The following DR1 variants were observed in gnomAD, a reference collection of about 807,000 sequenced individuals.
DR1 encodes protein Dr1.
In DR1, 7 loss-of-function variants were observed where a neutral mutation model predicts 19.9. That is an observed-to-expected ratio of 0.35 (90% CI 0.20 to 0.66). The LOEUF (loss-of-function observed/expected upper bound fraction) is 0.66, where lower values mean the gene tolerates loss of function less well. DR1 is among the 30% of genes least tolerant of loss of function. The probability of loss-of-function intolerance (pLI) is 0.66; values close to 1 mark genes in which losing one functional copy is unlikely to be tolerated. For synonymous variants in DR1, 76 were observed against 72.5 expected (o/e 1.05, Z -0.24); for missense variants, 98 against 203.7 (o/e 0.48, Z 3.16).
In DR1 at chr1:93,346,384, C is replaced by G; in HGVS notation, c.-262C>G. On this transcript the variant is annotated 5_prime_UTR_variant, in exon 1 of 3. Transcript: ENST00000370272. ...CCGCTCAAATTTCCGGACCACCGCG[C>G]TTTCCCCTCCTCAGCCTGGGCTGTG... 2.1e-6 allele frequency: 1 copy of G among 482,696 alleles called. No homozygotes were observed. The highest frequency in any genetic ancestry group is 2.3e-5 in the South Asian group (1 of 43,884). 29.9% of individuals were successfully genotyped at this position (482,696 alleles called of 1,614,324 possible).
chr1:93,357,409 G>T (rs1667001830), intron 2 of DR1, among the ~76,000 whole-genome samples: 1 of 152,068 alleles, frequency 6.6e-6, no homozygotes, highest in African/African-American at 2.4e-5. Context: ...GGGAGATGGA[G>T]GCAGGACAAT....
At chr1:93,346,985 C>G in intron 1 of DR1, 120 bp downstream of exon 1, 1 of 908,442 alleles carries the variant, frequency 1.1e-6, no homozygotes, top group Non-Finnish European at 1.7e-6. Context: ...AATGAAAAAG[C>G]CAGACTGGCA....
At chr1:93,356,090 G>A (rs890682773) in intron 2 of DR1, among the ~76,000 whole-genome samples, 1 of 152,126 alleles carries the variant, frequency 6.6e-6, no homozygotes, top group Non-Finnish European at 1.5e-5. Context: ...CTGCTTACCT[G>A]TCTTTCACAC....
At position 93,366,275 on chromosome 1, in the gene DR1, T is replaced by C. The variant is rs1273236706; in HGVS notation, c.*5636T>C. 2 of 152,234 alleles carry C rather than the reference T, an allele frequency of 1.3e-5. No individual in the cohort carries two copies. The highest frequency in any genetic ancestry group is 2.9e-5 in the Non-Finnish European group (2 of 68,040). 9.4% of individuals were successfully genotyped at this position (152,234 alleles called of 1,614,324 possible). ...AATATGCCGTAGTATGTAAATACCG[T>C]ATTTTGTTTATCAGTTCATCCATTA... On this transcript the variant is annotated 3_prime_UTR_variant, in exon 3 of 3. Transcript: ENST00000370272.
In DR1 at chr1:93,361,029, ATT is replaced by A. The variant is rs1557747887; in HGVS notation, c.*393_*394del. The A allele has an allele frequency of 7.7e-6, 1 of 130,204 alleles. No homozygotes were observed. 8.1% of individuals were successfully genotyped at this position (130,204 alleles called of 1,614,324 possible). ...CTTTTAACTAAACTAAAACTTGTGA[ATT>A]TTAAATTATTAAGGGGGGGGTGCTG... On this transcript the variant is annotated 3_prime_UTR_variant, in exon 3 of 3. Coordinates refer to ENST00000370272, the MANE Select transcript of DR1 (RefSeq NM_001938.3).
chr1:93,360,209 G>T (rs1667035603), intron 2 of DR1, among the ~76,000 whole-genome samples: 1 of 152,110 alleles, frequency 6.6e-6, no homozygotes, highest in African/African-American at 2.4e-5. Flanking sequence ...AACTTCTTCA[G>T]TTGAATCAAA....
Position 93,362,682 on chromosome 1 carries a change from T to C in DR1, c.*2043T>C, listed in dbSNP as rs1667070722. 1 of 151,920 alleles carries C rather than the reference T, an allele frequency of 6.6e-6. No homozygotes were observed. Among genetic ancestry groups the C allele is most frequent in the African/African-American group, 2.4e-5 (1 of 41,406 alleles). The allele number at this position is 151,920 out of a possible 1,614,324, so 9.4% of individuals were successfully genotyped here. A position where few individuals can be genotyped will look rare whatever the true frequency, so the allele number is the denominator to read the frequency against. ...ATCTTAGGCCCAAAAGACATTTTGG[T>C]CATTTGGTATGTAGTACCTGCCTTT... On this transcript the variant is annotated 3_prime_UTR_variant, in exon 3 of 3. Transcript: ENST00000370272.
chr1:93,347,873 T>C (rs771464), intron 1 of DR1, among the ~76,000 whole-genome samples: 127,231 of 152,048 alleles, frequency 0.84, 53,417 homozygotes, highest in East Asian at 1. Context: ...ACTTGCCTTT[T>C]GTAATAATCT....
At chr1:93,350,791 G>T (rs1042671267) in intron 1 of DR1, among the ~76,000 whole-genome samples, 1 of 152,062 alleles carries the variant, frequency 6.6e-6, no homozygotes, top group Non-Finnish European at 1.5e-5. Context: ...ATAGTGATGT[G>T]TGTTAATTTT....
chr1:93,353,231 C>T (rs956478181), intron 1 of DR1, among the ~76,000 whole-genome samples: 9 of 151,898 alleles, frequency 5.9e-5, no homozygotes, highest in African/African-American at 1.9e-4. Flanking sequence ...TTTCTAAATA[C>T]GAAAAGGGGA....
At position 93,363,815 on chromosome 1, in the gene DR1, G is replaced by T. The variant is rs1166589827; in HGVS notation, c.*3176G>T. 1.3e-5 allele frequency: 2 copies of T among 152,196 alleles called. No individual in the cohort carries two copies. Among genetic ancestry groups the T allele is most frequent in the Admixed American group, 6.5e-5 (1 of 15,282 alleles). The allele number at this position is 152,196 out of a possible 1,614,324, so 9.4% of individuals were successfully genotyped here. A position where few individuals can be genotyped will look rare whatever the true frequency, so the allele number is the denominator to read the frequency against. ...TCCATTCTTATTGTTGCATGTATTT[G>T]TAGTTCATTCATTCTCATTGCTGTA... On this transcript the variant is annotated 3_prime_UTR_variant, in exon 3 of 3. Coordinates refer to ENST00000370272, the MANE Select transcript of DR1 (RefSeq NM_001938.3).
rs1667073601 is a variant in DR1 at position 93,362,829 on chromosome 1, T to C, written c.*2190T>C. 1 of 19,014 alleles carries C rather than the reference T, an allele frequency of 5.3e-5. No individual in the cohort carries two copies. The highest frequency in any genetic ancestry group is 0.014 in the South Asian group (1 of 70). The allele number at this position is 19,014 out of a possible 1,614,324, so 1.2% of individuals were successfully genotyped here. A position where few individuals can be genotyped will look rare whatever the true frequency, so the allele number is the denominator to read the frequency against. The stretch of plus-strand genomic sequence containing the variant: ...ATATTTTATTTTTAGGTTTTTTCTT[T>C]TTTTTTTTTTTTTTTTTTTTTTTTT... On this transcript the variant is annotated 3_prime_UTR_variant, in exon 3 of 3. Transcript: ENST00000370272.
At chr1:93,354,485 T>C (rs1200630853) in intron 2 of DR1, among the ~76,000 whole-genome samples, 3 of 152,124 alleles carry the variant, frequency 2.0e-5, no homozygotes, top group African/African-American at 4.8e-5. Flanking sequence ...CTTTGAAGCA[T>C]TTTAATCTTA....
At chr1:93,352,245 T>G (rs576499784) in intron 1 of DR1, among the ~76,000 whole-genome samples, 29 of 152,260 alleles carry the variant, frequency 1.9e-4, no homozygotes, top group Admixed American at 3.3e-4. Context: ...ATTTTTTTTG[T>G]ATTTTTAGTA....
chr1:93,348,147 C>G (rs1246848564), intron 1 of DR1, among the ~76,000 whole-genome samples: 4 of 151,266 alleles, frequency 2.6e-5, no homozygotes, highest in Admixed American at 6.6e-5. Flanking sequence ...CCTGCCATTT[C>G]AGTACACAAG....
At chr1:93,360,043 C>A (rs1316578924) in intron 2 of DR1, among the ~76,000 whole-genome samples, 1 of 151,980 alleles carries the variant, frequency 6.6e-6, no homozygotes, top group Non-Finnish European at 1.5e-5. Context: ...TACTAGAGAA[C>A]TTTTAAACCA....
chr1:93,353,319 T>TAAAAA (rs1666940624), intron 1 of DR1, among the ~76,000 whole-genome samples: 1 of 152,208 alleles, frequency 6.6e-6, no homozygotes, highest in African/African-American at 2.4e-5. Context: ...TTAAATATGT[T>TAAAAA]TTTATTTTTC....
chr1:93,347,336 A>T (rs1666862058), intron 1 of DR1, among the ~76,000 whole-genome samples: 1 of 152,246 alleles, frequency 6.6e-6, no homozygotes, highest in Non-Finnish European at 1.5e-5. Flanking sequence ...TGAGTTAAAA[A>T]ATTCTTAACA....
chr1:93,367,473 C>T lies in DR1; in HGVS notation c.*6834C>T, dbSNP rs1667180936. 6.6e-6 allele frequency: 1 copy of T among 152,100 alleles called. No homozygotes were observed. The highest frequency in any genetic ancestry group is 2.4e-5 in the African/African-American group (1 of 41,392). The allele number at this position is 152,100 out of a possible 1,614,324, so 9.4% of individuals were successfully genotyped here. The stretch of plus-strand genomic sequence containing the variant: ...TGTCTTGGGTAGCTGGAGCCTATCC[C>T]AGCAGCTCAGGGAGCAAAGTGGGAG... On this transcript the variant is annotated 3_prime_UTR_variant, in exon 3 of 3. Coordinates refer to ENST00000370272, the MANE Select transcript of DR1 (RefSeq NM_001938.3).
Sources: gnomAD v4.1 joint callset for allele counts (sites outside exome capture counted in the v4.1 genomes callset) on GRCh38, gnomAD v4.1.1 for gene constraint, MANE v1.5 for transcripts, NCBI Gene and HGNC (gene_info 2026-07-23, HGNC 2026-07-21) for gene names.